PRKCI: variants seen among roughly 807,000 people sequenced by gnomAD.
The protein encoded by PRKCI is protein kinase C iota type.
PRKCI carries 43 observed loss-of-function variants against 84.0 expected under a neutral mutation model. That is an observed-to-expected ratio of 0.51 (90% confidence interval 0.40 to 0.66). The LOEUF (loss-of-function observed/expected upper bound fraction) is 0.66. Ranked by LOEUF, PRKCI falls within the 30% of genes least tolerant of loss-of-function variation. PRKCI has a pLI of 0.00. For missense variants in PRKCI, 459 were observed against 745.6 expected (o/e 0.62, Z 4.48); for synonymous variants, 216 against 234.4 (o/e 0.92, Z 0.72).
intron 2 of PRKCI, among the ~76,000 whole-genome samples, chr3:170,248,842 C>T (rs1215348525): frequency 6.8e-6 from 1 of 147,742 alleles, no homozygotes; most frequent in Non-Finnish European, 1.5e-5. Flanking sequence ...TGGCTTTTTT[C>T]TTTTTCTTTT....
intron 8 of PRKCI, chr3:170,280,024 C>T (rs1331027495): frequency 2.5e-6 from 1 of 403,178 alleles, no homozygotes; most frequent in Non-Finnish European, 4.3e-6. Flanking sequence ...TATTACCATC[C>T]CTCTTATCTC....
At chr3:170,269,392 T>C (rs149503295) in intron 5 of PRKCI, among the ~76,000 whole-genome samples, 40 of 152,306 alleles carry the variant, frequency 2.6e-4, no homozygotes, top group African/African-American at 9.4e-4. Flanking sequence ...CTGGGTGCAA[T>C]GGCACATGCC....
In PRKCI at chr3:170,303,587, G is replaced by T. The variant is rs564586732; in HGVS notation, c.*460G>T. The T allele has an allele frequency of 4.4e-6, 1 of 227,420 alleles. No homozygotes were observed. Among genetic ancestry groups the T allele is most frequent in the East Asian group, 6.4e-5 (1 of 15,616 alleles). 14.1% of individuals were successfully genotyped at this position (227,420 alleles called of 1,614,324 possible). A position where few individuals can be genotyped will look rare whatever the true frequency, so the allele number is the denominator to read the frequency against. ...TTTTATATTACCTATTAGTTTTGGA[G>T]TTCTTTATGTTTAAAAATTCAGGTG... On this transcript the variant is annotated 3_prime_UTR_variant, in exon 18 of 18. Transcript: ENST00000295797.
intron 12 of PRKCI, among the ~76,000 whole-genome samples, chr3:170,286,874 A>G (rs906039840): frequency 3.3e-4 from 50 of 151,314 alleles, no homozygotes; most frequent in African/African-American, 8.5e-4. Flanking sequence ...CTCAAACCCA[A>G]GAGTTCATAA....
chr3:170,290,540 T>G (rs1278471494), intron 12 of PRKCI, among the ~76,000 whole-genome samples: 3 of 151,812 alleles, frequency 2.0e-5, no homozygotes, highest in African/African-American at 7.2e-5. Flanking sequence ...TGTATATATA[T>G]ATATATATTT....
chr3:170,231,006 C>T (rs1732777648), intron 1 of PRKCI, among the ~76,000 whole-genome samples: 1 of 144,364 alleles, frequency 6.9e-6, no homozygotes, highest in Admixed American at 7.1e-5. Context: ...GTCACCCAGG[C>T]TGGAGCGCAG....
At chr3:170,278,579 C>T (rs1405073647) in intron 8 of PRKCI, among the ~76,000 whole-genome samples, 1 of 152,160 alleles carries the variant, frequency 6.6e-6, no homozygotes, top group Non-Finnish European at 1.5e-5. Flanking sequence ...TCACTTGAGC[C>T]CAGGAGTTCA....
At chr3:170,277,624 G>T (rs529247631) in intron 8 of PRKCI, among the ~76,000 whole-genome samples, 45 of 151,930 alleles carry the variant, frequency 3.0e-4, no homozygotes, top group African/African-American at 1.1e-3. Context: ...AACCCAGGAG[G>T]CGGAGCTTGC....
intron 1 of PRKCI, among the ~76,000 whole-genome samples, chr3:170,233,863 G>A (rs1484186153): frequency 6.6e-6 from 1 of 151,662 alleles, no homozygotes; most frequent in African/African-American, 2.4e-5. Flanking sequence ...TGGGATTATA[G>A]GCACCCACCA....
Position 170,278,473 on chromosome 3 carries a change from A to G in PRKCI, c.706-1754A>G, listed in dbSNP as rs990601368. ...TCAGGACCAGCCTTGGCAACATAGC[A>G]AGACCCTCCATGTCTACAAAAAATA... On this transcript the variant is annotated intron_variant, in intron 8 of 17. Coordinates refer to ENST00000295797, the MANE Select transcript of PRKCI (RefSeq NM_002740.6). Among the ~76,000 whole-genome samples the G allele has an allele frequency of 3.3e-5, 5 of 152,294 alleles. No individual in the cohort carries two copies. The East Asian group carries it at 9.6e-4, about 29-fold the overall frequency.
chr3:170,273,159 A>G (rs967882851), intron 6 of PRKCI, 127 bp from the exon 7 acceptor site: 2 of 729,610 alleles, frequency 2.7e-6, no homozygotes, highest in Non-Finnish European at 4.5e-6. Flanking sequence ...AATTAAAAGT[A>G]AATTCTCACT....
intron 7 of PRKCI, among the ~76,000 whole-genome samples, chr3:170,274,437 G>A (rs1734068055): frequency 6.6e-6 from 1 of 152,156 alleles, no homozygotes; most frequent in African/African-American, 2.4e-5. Context: ...CCCAGCTGAA[G>A]TGACTTGTTT....
chr3:170,295,710 A>G (rs1734672328), intron 14 of PRKCI, among the ~76,000 whole-genome samples: 1 of 150,650 alleles, frequency 6.6e-6, no homozygotes, highest in African/African-American at 2.4e-5. Context: ...GCCGAGCGTG[A>G]TGGTGGCGCC....
intron 1 of PRKCI, among the ~76,000 whole-genome samples, chr3:170,230,698 G>A (rs1180604854): frequency 1.3e-5 from 2 of 152,002 alleles, no homozygotes; most frequent in Non-Finnish European, 2.9e-5. Flanking sequence ...TCATTTATAG[G>A]GTACTGACAC....
chr3:170,291,828 T>A, intron 12 of PRKCI, 26 bp from the exon 13 acceptor site: 1 of 1,547,758 alleles, frequency 6.5e-7, no homozygotes, highest in Non-Finnish European at 8.9e-7. Flanking sequence ...TATCTCATTC[T>A]TTCTTTCTGT....
intron 1 of PRKCI, 83 bp downstream of exon 1, chr3:170,222,853 G>T (rs1732526099): frequency 1.5e-6 from 1 of 651,904 alleles, no homozygotes; most frequent in Non-Finnish European, 2.4e-6. Flanking sequence ...TGAGGGGCTG[G>T]AGGTGTTGTG....
chr3:170,295,778 A>AGCTT, intron 14 of PRKCI, 133 bp from the exon 15 acceptor site: 1 of 422,718 alleles, frequency 2.4e-6, no homozygotes, highest in Non-Finnish European at 4.2e-6. Context: ...CCGGGAGGTC[A>AGCTT]AAGCTGCAGT....
At chr3:170,237,989 G>C (rs914473193) in intron 2 of PRKCI, among the ~76,000 whole-genome samples, 52 of 152,236 alleles carry the variant, frequency 3.4e-4, no homozygotes, top group Middle Eastern at 3.4e-3. Flanking sequence ...ATGACATACA[G>C]CTGATATTTT....
rs992029518 is a variant in PRKCI at position 170,303,893 on chromosome 3, A to C, written c.*766A>C. 5.8e-6 allele frequency: 1 copy of C among 171,042 alleles called. No homozygotes were observed. The highest frequency in any genetic ancestry group is 1.3e-5 in the Non-Finnish European group (1 of 78,962). The allele number at this position is 171,042 out of a possible 1,614,324, so 10.6% of individuals were successfully genotyped here. On this transcript the variant is annotated 3_prime_UTR_variant, in exon 18 of 18. Coordinates refer to ENST00000295797, the MANE Select transcript of PRKCI (RefSeq NM_002740.6). Reference sequence around the variant, plus strand: ...ATACCTGTAATCCCAGCTACTCGGGAGGCTGAAACAGGAGAATCGCTTGAA... The same window carrying C: ...ATACCTGTAATCCCAGCTACTCGGGCGGCTGAAACAGGAGAATCGCTTGAA...
Sources: allele counts gnomAD v4.1 joint callset (sites outside exome capture counted in the v4.1 genomes callset), GRCh38; gene constraint gnomAD v4.1.1; transcripts MANE v1.5; gene names NCBI Gene and HGNC (gene_info 2026-07-23, HGNC 2026-07-21).